IGSF9B: variants seen among roughly 807,000 people sequenced by gnomAD.
IGSF9B encodes immunoglobulin superfamily member 9B, also known as protein turtle homolog B.
IGSF9B carries 48 observed loss-of-function variants against 143.7 expected under a neutral mutation model. That is an observed-to-expected ratio of 0.33 (90% CI 0.26 to 0.42). The LOEUF (loss-of-function observed/expected upper bound fraction) is 0.42, where lower values mean the gene tolerates loss of function less well. IGSF9B is among the 20% of genes least tolerant of loss of function. The probability of loss-of-function intolerance (pLI) is 1.00; values close to 1 mark genes in which losing one functional copy is unlikely to be tolerated. For missense variants in IGSF9B, 1,706 were observed against 1,980.0 expected, an observed-to-expected ratio of 0.86 and a Z score of 2.63; for synonymous variants, 903 against 833.1, an observed-to-expected ratio of 1.08 and a Z score of -1.44.
rs1037028809 is a variant in IGSF9B, at chr11:133,922,098, G to A, written c.2327+79C>T. On this transcript the variant is annotated intron_variant, in intron 17 of 19. Coordinates refer to ENST00000533871, the MANE Select transcript of IGSF9B (RefSeq NM_001277285.4). ...GAAATGGCTTAGAAACACTAACATG[G>A]GGCTGGGTAAGGCGAGCGGTCTACC... 5.1e-6 allele frequency: 6 copies of A among 1,183,870 alleles called. No homozygotes were observed. In the African/African-American group the frequency reaches 6.1e-5, roughly 12 times the overall value. 73.3% of individuals were successfully genotyped at this position (1,183,870 alleles called of 1,614,324 possible). A position where few individuals can be genotyped will look rare whatever the true frequency, so the allele number is the denominator to read the frequency against.
At position 133,908,150 on chromosome 11, in the gene IGSF9B, C is replaced by G. The variant is rs914244037; in HGVS notation, c.*919G>C. ...CTGGGCGGAAGGGCGCCGACGGATGCGCTGGACATGTGCACCAGAGGCTTG... is the reference window on the plus strand; with the variant it reads ...CTGGGCGGAAGGGCGCCGACGGATGGGCTGGACATGTGCACCAGAGGCTTG... On this transcript the variant is annotated 3_prime_UTR_variant, in exon 20 of 20. Coordinates refer to ENST00000533871, the MANE Select transcript of IGSF9B (RefSeq NM_001277285.4). Among the ~76,000 whole-genome samples the G allele has an allele frequency of 6.6e-6, 1 of 152,198 alleles. No individual in the cohort carries two copies. The highest frequency in any genetic ancestry group is 1.9e-4 in the East Asian group (1 of 5,170).
In IGSF9B at chr11:133,920,374, G is replaced by A. The variant is rs368020306; in HGVS notation, c.3351C>T (p.Pro1117=). The change falls in exon 18 of 20, where the codon CCC becomes CCT. Residue 1117 remains proline, a synonymous_variant. Transcript: ENST00000533871. ...TAGGTCTGTCCTGCCACTTGGCGGCGGGGGGCGCTGGGACAGGGCCCCTGC... is the reference window on the plus strand; with the variant it reads ...TAGGTCTGTCCTGCCACTTGGCGGCAGGGGGCGCTGGGACAGGGCCCCTGC... The part of the protein sequence containing the change: ...SPGRGPVPAP[P]AAKWQDRPMQ... 1,086 of 1,602,856 alleles carry A rather than the reference G, an allele frequency of 6.8e-4. 2 individuals carry two copies. The highest frequency in any genetic ancestry group is 8.8e-4 in the Non-Finnish European group (1,034 of 1,175,538).
chr11:133,911,023 A>G (rs760478900), intron 19 of IGSF9B, among the ~76,000 whole-genome samples: 5 of 152,114 alleles, frequency 3.3e-5, no homozygotes, highest in Non-Finnish European at 7.4e-5. Flanking sequence ...CGTCTCCCAG[A>G]GATTCATGGG....
At position 133,901,909 on chromosome 11, in the gene IGSF9B, ACACACAACACACACCAAAC is replaced by A. The variant is rs1162780180; in HGVS notation, c.*7141_*7159del. Among the ~76,000 whole-genome samples, 1 of 143,712 alleles carries A rather than the reference ACACACAACACACACCAAAC, an allele frequency of 7.0e-6. No individual in the cohort carries two copies. Among genetic ancestry groups the A allele is most frequent in the African/African-American group, 2.6e-5 (1 of 38,814 alleles). 94.3% of individuals were successfully genotyped at this position (143,712 alleles called of 152,430 possible). ...ACACACAACACACACACAACACACC[ACACACAACACACACCAAAC>A]CACACAACACACACACACATCACAC... is the stretch of plus-strand genomic sequence containing the variant. On this transcript the variant is annotated 3_prime_UTR_variant, in exon 20 of 20. Transcript: ENST00000533871.
At chr11:133,946,420 TC>T (rs1340857475) in intron 1 of IGSF9B, 162 bp from the exon 2 acceptor site, 1 of 612,438 alleles carries the variant, frequency 1.6e-6, no homozygotes, top group Non-Finnish European at 2.9e-6. Context: ...TCCATCCCTC[TC>T]CCCCTCGCTG....
Position 133,931,458 on chromosome 11 carries a change from T to C in IGSF9B, c.1363A>G (p.Arg455Gly), listed in dbSNP as rs1939728177. The C allele has an allele frequency of 1.9e-6, 3 of 1,609,780 alleles. No homozygotes were observed. The highest frequency in any genetic ancestry group is 2.5e-6 in the Non-Finnish European group (3 of 1,177,204). The change falls in exon 10 of 20, where the codon AGA becomes GGA. Residue 455 changes from arginine (R) to glycine (G), a missense_variant. Around this residue, in one of 7 missense-constraint regions of IGSF9B, gnomAD observed 238 missense variants for 452.6 expected, o/e 0.53. Coordinates refer to ENST00000533871, the MANE Select transcript of IGSF9B (RefSeq NM_001277285.4). This position sits in a 1 kb window ranked among gnomAD's most constrained non-coding sequence, Gnocchi z 7.7. The stretch of plus-strand genomic sequence containing the variant: ...GGGCTCCAGGGCCCAGGTACCTTTC[T>C]CCAAGTGATGACAGGAAAGGGGTCC... ...AGDPFPVITW[R>G]KVGKPSRSKH... is the part of the protein sequence containing the mutation.
At chr11:133,955,377 A>G (rs550838549) in intron 1 of IGSF9B, among the ~76,000 whole-genome samples, 308 of 152,274 alleles carry the variant, frequency 2.0e-3, no homozygotes, top group Non-Finnish European at 1.8e-3. Context: ...CTGTTTTCAG[A>G]CACCACCACC....
At chr11:133,937,725 G>C in intron 4 of IGSF9B, 85 bp downstream of exon 4, 1 of 1,452,018 alleles carries the variant, frequency 6.9e-7, no homozygotes, top group Non-Finnish European at 9.4e-7. Flanking sequence ...TGTGCCTGTA[G>C]CATCAGGGGT....
Position 133,909,267 on chromosome 11 carries a change from G to C in IGSF9B, c.4116C>G (p.Ala1372=). ...AGTTGGGAAGCTGCTGAGTCTGGGA[G>C]GCAGAATCGTCTAGGAAGAAAGGAA... ...SKSKKRSDDS[A]SQTQQLPNSQ... Residue 1372 remains alanine, a synonymous_variant, in exon 20 of 20, where the codon GCC becomes GCG. Coordinates refer to ENST00000533871, the MANE Select transcript of IGSF9B (RefSeq NM_001277285.4). This position sits in a 1 kb window ranked among gnomAD's most constrained non-coding sequence, Gnocchi z 4.2. 1 of 1,535,812 alleles carries C rather than the reference G, an allele frequency of 6.5e-7. No homozygotes were observed. Among genetic ancestry groups the C allele is most frequent in the South Asian group, 1.2e-5 (1 of 84,048 alleles).
At chr11:133,932,252 G>A in intron 7 of IGSF9B, 39 bp from the exon 8 acceptor site, 1 of 1,493,276 alleles carries the variant, frequency 6.7e-7, no homozygotes, top group Non-Finnish European at 8.8e-7. Flanking sequence ...CAGACAGACA[G>A]ACACAGGGAC....
chr11:133,935,866 C>G, intron 6 of IGSF9B, 104 bp from the exon 7 acceptor site: 1 of 1,459,438 alleles, frequency 6.9e-7, no homozygotes, highest in South Asian at 1.3e-5. Context: ...AGAGCCCATG[C>G]CCCTGGCATC....
intron 3 of IGSF9B, among the ~76,000 whole-genome samples, chr11:133,938,477 C>T (rs1432081502): frequency 3.3e-5 from 5 of 152,186 alleles, no homozygotes; most frequent in Non-Finnish European, 2.9e-5. Flanking sequence ...CCCTCTCTGG[C>T]TTCCATGGAT....
In IGSF9B at chr11:133,907,294, A is replaced by G. The variant is rs1939223281; in HGVS notation, c.*1775T>C. ...AAGAAGTCCATCCCCTAAGATGGAAACGCCAAGAAGAGACAGCAGCCATCC... is the reference window on the plus strand; with the variant it reads ...AAGAAGTCCATCCCCTAAGATGGAAGCGCCAAGAAGAGACAGCAGCCATCC... On this transcript the variant is annotated 3_prime_UTR_variant, in exon 20 of 20. Transcript: ENST00000533871. 6.6e-6 allele frequency among the ~76,000 whole-genome samples: 1 copy of G among 152,208 alleles called. No individual in the cohort carries two copies. Among genetic ancestry groups the G allele is most frequent in the South Asian group, 2.1e-4 (1 of 4,830 alleles).
chr11:133,944,073 T>C (rs1464547615), intron 3 of IGSF9B, 147 bp downstream of exon 3: 14 of 866,050 alleles, frequency 1.6e-5, no homozygotes, highest in Admixed American at 2.9e-5. Flanking sequence ...AGTGAGCTGA[T>C]GTCTCATGGG....
rs200632200 is a variant in IGSF9B, at chr11:133,920,722, C to A, written c.3003G>T (p.Leu1001=). 31 of 1,612,762 alleles carry A rather than the reference C, an allele frequency of 1.9e-5. No individual in the cohort carries two copies. Among genetic ancestry groups the A allele is most frequent in the Non-Finnish European group, 2.5e-6 (3 of 1,179,340 alleles). The change falls in exon 18 of 20, where the codon CTG becomes CTT. Residue 1001 remains leucine, a synonymous_variant. Coordinates refer to ENST00000533871, the MANE Select transcript of IGSF9B (RefSeq NM_001277285.4). ...PLSSVMSSPP[L]PTEGPFGHPT... ...GGTGGCCAAAGGGCCCCTCGGTGGG[C>A]AGGGGCGGGGACGACATGACGGAGC...
rs897307608 is a variant in IGSF9B, at chr11:133,948,406, A to T, written c.65-2148T>A. Among the ~76,000 whole-genome samples, 4 of 151,954 alleles carry T rather than the reference A, an allele frequency of 2.6e-5. No individual in the cohort carries two copies. The highest frequency in any genetic ancestry group is 4.4e-5 in the Non-Finnish European group (3 of 67,988). ...TGCCTGAGGCCCCAGCATGCTTCCC[A>T]ATTTCCCCCACCCCCAACCTTGCTT... On this transcript the variant is annotated intron_variant, in intron 1 of 19. Transcript: ENST00000533871. This position sits in a 1 kb window ranked among gnomAD's most constrained non-coding sequence, Gnocchi z 4.7.
intron 11 of IGSF9B, 74 bp downstream of exon 11, chr11:133,930,910 C>T: frequency 7.0e-7 from 1 of 1,419,376 alleles, no homozygotes; most frequent in Non-Finnish European, 9.5e-7. Context: ...GGGGACGCTC[C>T]CAGCGTCCAG....
intron 3 of IGSF9B, 53 bp downstream of exon 3, chr11:133,944,167 C>T (rs1940000975): frequency 1.3e-6 from 2 of 1,539,432 alleles, no homozygotes; most frequent in African/African-American, 1.4e-5. Context: ...CCGGAAACAG[C>T]CCTCAGGCAC....
At position 133,908,725 on chromosome 11, in the gene IGSF9B, G is replaced by C. The variant is rs1835222114; in HGVS notation, c.*344C>G. 1 of 242,846 alleles carries C rather than the reference G, an allele frequency of 4.1e-6. No individual in the cohort carries two copies. Among genetic ancestry groups the C allele is most frequent in the African/African-American group, 2.2e-5 (1 of 45,060 alleles). 15.0% of individuals were successfully genotyped at this position (242,846 alleles called of 1,614,324 possible). The stretch of plus-strand genomic sequence containing the variant: ...GACTTGAAAAACTGAAACAGAAGCA[G>C]AGAGCAGTAAAAGCCATTGCTTTCC... On this transcript the variant is annotated 3_prime_UTR_variant, in exon 20 of 20. Transcript: ENST00000533871.
Sources: gnomAD v4.1 joint callset for allele counts (sites outside exome capture counted in the v4.1 genomes callset) on GRCh38, gnomAD v4.1.1 for gene constraint, gnomAD v4.1.1 regional missense constraint, Gnocchi (gnomAD v3.1) non-coding constraint, MANE v1.5 for transcripts, NCBI Gene and HGNC (gene_info 2026-07-23, HGNC 2026-07-21) for gene names.